The following AHCY variants were observed in gnomAD, a reference collection of about 807,000 sequenced individuals.
The protein encoded by AHCY is S-adenosyl-L-homocysteine hydrolase.
AHCY carries 24 observed loss-of-function variants against 45.4 expected under a neutral mutation model. That is an observed-to-expected ratio of 0.53 (90% confidence interval 0.38 to 0.74). AHCY has a LOEUF of 0.74. AHCY is among the 30% of genes least tolerant of loss of function. The probability of loss-of-function intolerance (pLI) is 0.00; values close to 1 mark genes in which losing one functional copy is unlikely to be tolerated. For synonymous variants in AHCY, 245 were observed against 235.1 expected (o/e 1.04, Z -0.39); for missense variants, 449 against 594.1 (o/e 0.76, Z 2.54).
upstream of AHCY, among the ~76,000 whole-genome samples, chr20:34,305,198 C>A (rs550340056): frequency 9.0e-4 from 136 of 150,494 alleles, no homozygotes; most frequent in Non-Finnish European, 1.5e-3. Context: ...GTGTCGGGAG[C>A]CTGTAGTCCC....
the AHCY span, among the ~76,000 whole-genome samples, chr20:34,266,913 C>G: frequency 5.9e-5 from 9 of 152,156 alleles, no homozygotes; most frequent in African/African-American, 2.2e-4. Context: ...ACACCTTATT[C>G]CTGTCTTAGT....
the AHCY span, among the ~76,000 whole-genome samples, chr20:34,269,946 T>TAAAAAAAAAAAA: frequency 4.1e-4 from 24 of 59,234 alleles, no homozygotes; most frequent in African/African-American, 1.7e-3. Flanking sequence ...AACTCTGTCT[T>TAAAAAAAAAAAA]AAAAAAAAAA....
chr20:34,256,478 AT>A, the AHCY span, among the ~76,000 whole-genome samples: 501 of 152,230 alleles, frequency 3.3e-3, 1 homozygote, highest in Non-Finnish European at 4.7e-3. Context: ...TTTTTTAAAA[AT>A]TTTTTGTAGA....
the AHCY span, among the ~76,000 whole-genome samples, chr20:34,261,598 C>G: frequency 6.6e-6 from 1 of 152,150 alleles, no homozygotes; most frequent in Non-Finnish European, 1.5e-5. Flanking sequence ...TGTGCCACTG[C>G]ACTCCAGCCT....
At chr20:34,267,468 A>G in the AHCY span, among the ~76,000 whole-genome samples, 34 of 151,080 alleles carry the variant, frequency 2.3e-4, no homozygotes, top group Non-Finnish European at 4.4e-4. Context: ...TCAAAAAAAA[A>G]AAAAAAAAAA....
rs7271501 is a variant in AHCY, at chr20:34,290,675, G to C, written c.767-37C>G. ...CAGTGGCTGTGGGTCATCTACGGTG[G>C]CCTTGCCCCTCCCTCTGGCCCCAGT... On this transcript the variant is annotated intron_variant, in intron 6 of 9. Transcript: ENST00000217426. The surrounding 1 kb of genome is among the most constrained non-coding windows in gnomAD (Gnocchi z 4.5). 0.02 allele frequency: 31,827 copies of C among 1,613,752 alleles called. 5,507 individuals carry two copies. In the African/African-American group the frequency reaches 0.37, roughly 19 times the overall value.
downstream of AHCY, among the ~76,000 whole-genome samples, chr20:34,276,091 A>G (rs548826710): frequency 3.3e-4 from 50 of 152,212 alleles, no homozygotes; most frequent in African/African-American, 1.1e-3. Context: ...TGAAGACAGT[A>G]CCTTTTCTGT....
At chr20:34,292,267 T>C (rs764579675) in intron 4 of AHCY, 91 bp downstream of exon 4, 15 of 1,475,580 alleles carry the variant, frequency 1.0e-5, no homozygotes, top group Admixed American at 1.9e-5. Context: ...CTTGAGGTGA[T>C]GGGAGTCCTG....
At chr20:34,247,208 A>C in the AHCY span, among the ~76,000 whole-genome samples, 2 of 151,852 alleles carry the variant, frequency 1.3e-5, no homozygotes, top group Admixed American at 1.3e-4. Context: ...TTTAGAAAAG[A>C]CTGATTTAAA....
At chr20:34,269,077 G>T in the AHCY span, 1 of 1,577,762 alleles carries the variant, frequency 6.3e-7, no homozygotes, top group East Asian at 2.4e-5. Flanking sequence ...GCAAGCCGCC[G>T]GCACCCGCCT....
chr20:34,304,795 T>C (rs1190367884), upstream of AHCY, among the ~76,000 whole-genome samples: 1 of 152,034 alleles, frequency 6.6e-6, no homozygotes, highest in Non-Finnish European at 1.5e-5. Context: ...TTCAAGCGAT[T>C]CTCTTGCCTC....
the AHCY span, among the ~76,000 whole-genome samples, chr20:34,273,740 G>A: frequency 6.6e-6 from 1 of 152,230 alleles, no homozygotes; most frequent in Non-Finnish European, 1.5e-5. Flanking sequence ...TAGAGTAGAC[G>A]AGTTACCCTT....
chr20:34,281,513 A>C, intron 9 of AHCY: 1 of 366,308 alleles, frequency 2.7e-6, no homozygotes, highest in Non-Finnish European at 5.3e-6. Context: ...AAGGTGCTCC[A>C]ACCCCACTGG....
In AHCY at chr20:34,294,074, G is replaced by C; in HGVS notation, c.295+7C>G. ...AATTCCACGTCTCAGAAGCAAGCAG[G>C]ACTTACCCGGAATGCCAGCCTTGGC... On this transcript the variant is annotated splice_region_variant and intron_variant, in intron 3 of 9. Transcript: ENST00000217426. 6.2e-7 allele frequency: 1 copy of C among 1,614,058 alleles called. No individual in the cohort carries two copies. Among genetic ancestry groups the C allele is most frequent in the Non-Finnish European group, 8.5e-7 (1 of 1,179,912 alleles).
At chr20:34,258,186 C>T in the AHCY span, among the ~76,000 whole-genome samples, 1 of 151,638 alleles carries the variant, frequency 6.6e-6, no homozygotes, top group African/African-American at 2.4e-5. Flanking sequence ...TAGTTAAGTG[C>T]TCCATCGGTT....
In AHCY at chr20:34,298,607, G is replaced by T. The variant is rs1415863047; in HGVS notation, c.29-3022C>A. 1.5e-5 allele frequency among the ~76,000 whole-genome samples: 2 copies of T among 135,818 alleles called. 1 individual carries two copies. Among genetic ancestry groups the T allele is most frequent in the Non-Finnish European group, 3.0e-5 (2 of 66,032 alleles). 89.1% of individuals were successfully genotyped at this position (135,818 alleles called of 152,430 possible). On this transcript the variant is annotated intron_variant, in intron 1 of 9. Coordinates refer to ENST00000217426, the MANE Select transcript of AHCY (RefSeq NM_000687.4). ...AGCAGACTGGGAAGTGGCGGCGGCG[G>T]GAGGGGGGGGGGTGTCTCCCTTTCC...
At chr20:34,300,028 T>C (rs1568813058) in intron 1 of AHCY, among the ~76,000 whole-genome samples, 1 of 152,058 alleles carries the variant, frequency 6.6e-6, no homozygotes, top group East Asian at 1.9e-4. Flanking sequence ...CTACTAAAAA[T>C]ACAAAAATTA....
chr20:34,279,247 T>TA (rs1390121297), downstream of AHCY, among the ~76,000 whole-genome samples: 17 of 149,622 alleles, frequency 1.1e-4, no homozygotes, highest in African/African-American at 4.2e-4. Context: ...ACCCCATCTC[T>TA]ACTAAAAAAA....
chr20:34,238,903 CT>C, the AHCY span, among the ~76,000 whole-genome samples: 1 of 152,148 alleles, frequency 6.6e-6, no homozygotes, highest in Non-Finnish European at 1.5e-5. Context: ...AAGCCTTCAC[CT>C]AGAAGTTGCA....
Sources: gnomAD v4.1 joint callset for allele counts (sites outside exome capture counted in the v4.1 genomes callset) on GRCh38, gnomAD v4.1.1 for gene constraint, Gnocchi (gnomAD v3.1) non-coding constraint, MANE v1.5 for transcripts, NCBI Gene and HGNC (gene_info 2026-07-23, HGNC 2026-07-21) for gene names.